The following PDE1A variants were observed in gnomAD, a reference collection of about 807,000 sequenced individuals.
PDE1A encodes the protein phosphodiesterase 1A.
Under a neutral mutation model 61.7 loss-of-function variants are expected in PDE1A, and 35 were observed. The observed-to-expected ratio is 0.57, with a 90% CI of 0.43 to 0.75. PDE1A has a LOEUF of 0.75. Ranked by LOEUF, PDE1A falls within the 30% of genes least tolerant of loss-of-function variation. The pLI is 0.00. For missense variants in PDE1A, 597 were observed against 630.6 expected (o/e 0.95, Z 0.57); for synonymous variants, 232 against 213.2 (o/e 1.09, Z -0.77).
chr2:182,266,878 T>C (rs1466280802), intron 1 of PDE1A, among the ~76,000 whole-genome samples: 2 of 152,164 alleles, frequency 1.3e-5, no homozygotes, highest in African/African-American at 4.8e-5. Flanking sequence ...CTGGATATCA[T>C]GCTATGGGTC....
At chr2:182,694,375 C>G in the PDE1A span, among the ~76,000 whole-genome samples, 45 of 152,286 alleles carry the variant, frequency 3.0e-4, no homozygotes, top group African/African-American at 1.1e-3. Flanking sequence ...CTTGATGATG[C>G]AATGGGCTCA....
rs2170401 is a variant in PDE1A at position 182,245,912 on chromosome 2, A to G, written c.168-5620T>C. Among the ~76,000 whole-genome samples, 624 of 152,260 alleles carry G rather than the reference A, an allele frequency of 4.1e-3. 7 individuals are homozygous for G. Among genetic ancestry groups the G allele is most frequent in the African/African-American group, 0.015 (606 of 41,550 alleles). On this transcript the variant is annotated intron_variant, in intron 2 of 13. Coordinates refer to ENST00000351439, the Ensembl canonical transcript of PDE1A. ...GCAAAAACTGCTAAACTTTCTTGCT[A>G]TACCATTTTGTATTCCCACCTGTAA...
intron 13 of PDE1A, among the ~76,000 whole-genome samples, chr2:182,183,275 T>A (rs1412040223): frequency 6.6e-6 from 1 of 152,174 alleles, no homozygotes; most frequent in African/African-American, 2.4e-5. Flanking sequence ...TAAAAACAAC[T>A]ATTCAATGAC....
the PDE1A span, among the ~76,000 whole-genome samples, chr2:182,586,783 T>C: frequency 6.6e-6 from 1 of 152,210 alleles, no homozygotes; most frequent in East Asian, 1.9e-4. Context: ...CTGACATTTA[T>C]TCATGCATTC....
chr2:182,272,960 C>G (rs1417517718), intron 1 of PDE1A, among the ~76,000 whole-genome samples: 2 of 151,960 alleles, frequency 1.3e-5, no homozygotes, highest in African/African-American at 4.8e-5. Flanking sequence ...CACAATATCT[C>G]TTTTGAGAAC....
intron 2 of PDE1A, among the ~76,000 whole-genome samples, chr2:182,489,750 G>A (rs188638863): frequency 2.0e-5 from 3 of 152,314 alleles, no homozygotes; most frequent in Admixed American, 1.3e-4. Context: ...GACAAAAGGG[G>A]AAAATTGAAT....
intron 1 of PDE1A, among the ~76,000 whole-genome samples, chr2:182,265,023 G>A (rs1393938262): frequency 1.3e-5 from 2 of 151,452 alleles, no homozygotes; most frequent in African/African-American, 2.4e-5. Flanking sequence ...GCCAAATATA[G>A]TATGTTCTCA....
rs187028275 is a variant in PDE1A at position 182,455,671 on chromosome 2, A to G, written c.101+66605T>C. Among the ~76,000 whole-genome samples, 65 of 151,840 alleles carry G rather than the reference A, an allele frequency of 4.3e-4. 2 individuals are homozygous for G. In the East Asian group the frequency reaches 0.011, roughly 25 times the overall value. On this transcript the variant is annotated intron_variant, in intron 2 of 14. Transcript: ENST00000410103. ...CTATTCCAAGGACAAAAAACCAAAC[A>G]CTGCATGTTCTCACTCATAGGTGGG...
At chr2:182,512,679 C>A (rs1689880439) in intron 2 of PDE1A, among the ~76,000 whole-genome samples, 1 of 152,078 alleles carries the variant, frequency 6.6e-6, no homozygotes, top group Non-Finnish European at 1.5e-5. Flanking sequence ...AAACTTGAAA[C>A]CCAATTCAAG....
At chr2:182,199,570 C>G (rs1269892415) in intron 10 of PDE1A, among the ~76,000 whole-genome samples, 1 of 151,976 alleles carries the variant, frequency 6.6e-6, no homozygotes, top group Non-Finnish European at 1.5e-5. Flanking sequence ...CTTTGTATCT[C>G]TTTATTTTTC....
At chr2:182,582,830 T>C in the PDE1A span, among the ~76,000 whole-genome samples, 2 of 152,208 alleles carry the variant, frequency 1.3e-5, no homozygotes, top group Admixed American at 6.5e-5. Flanking sequence ...AGATATAACC[T>C]GTGTTAAGTC....
chr2:182,513,041 A>C (rs551122589), intron 2 of PDE1A, among the ~76,000 whole-genome samples: 1 of 152,346 alleles, frequency 6.6e-6, no homozygotes, highest in African/African-American at 2.4e-5. Context: ...AATATTGCTC[A>C]CAAAATTTTT....
At chr2:182,207,048 T>C (rs1172006541) in intron 7 of PDE1A, among the ~76,000 whole-genome samples, 12 of 151,970 alleles carry the variant, frequency 7.9e-5, no homozygotes, top group Non-Finnish European at 2.9e-5. Flanking sequence ...ATACAGAAAA[T>C]TGGTACTGAG....
intron 1 of PDE1A, among the ~76,000 whole-genome samples, chr2:182,323,351 A>G (rs1400138234): frequency 6.6e-6 from 1 of 152,218 alleles, no homozygotes; most frequent in African/African-American, 2.4e-5. Context: ...ATAAGAGATT[A>G]GCTATTTCTA....
At chr2:182,457,209 C>A (rs1398830964) in intron 2 of PDE1A, among the ~76,000 whole-genome samples, 1 of 151,926 alleles carries the variant, frequency 6.6e-6, no homozygotes, top group Non-Finnish European at 1.5e-5. Flanking sequence ...GAATTTTCTG[C>A]CCTGCTGGAT....
chr2:182,537,036 T>C, the PDE1A span, among the ~76,000 whole-genome samples: 1 of 152,192 alleles, frequency 6.6e-6, no homozygotes, highest in African/African-American at 2.4e-5. Context: ...GAATGCAATA[T>C]CATAAAACAC....
chr2:182,701,257 G>C, the PDE1A span, among the ~76,000 whole-genome samples: 4 of 151,764 alleles, frequency 2.6e-5, no homozygotes, highest in South Asian at 2.1e-4. Flanking sequence ...GGATGGTCTC[G>C]ATCTCCTGAC....
intron 6 of PDE1A, among the ~76,000 whole-genome samples, chr2:182,227,794 T>G (rs1689256581): frequency 6.6e-6 from 1 of 152,198 alleles, no homozygotes; most frequent in South Asian, 2.1e-4. Context: ...CAGTATCATA[T>G]TGGAAGCCAT....
the PDE1A span, among the ~76,000 whole-genome samples, chr2:182,569,189 G>A: frequency 6.6e-6 from 1 of 150,790 alleles, no homozygotes; most frequent in East Asian, 2.0e-4. Context: ...AGAGGTCAAG[G>A]CTGCAGTGAG....
Sources: gnomAD v4.1 joint callset for allele counts (sites outside exome capture counted in the v4.1 genomes callset) on GRCh38, gnomAD v4.1.1 for gene constraint, MANE v1.5 for transcripts, NCBI Gene and HGNC (gene_info 2026-07-23, HGNC 2026-07-21) for gene names.